The following AGBL1 variants were observed in gnomAD, a reference collection of about 807,000 sequenced individuals.
AGBL1 encodes AGBL carboxypeptidase 1.
In AGBL1, 130 loss-of-function variants were observed where a neutral mutation model predicts 118.9. The observed-to-expected ratio is 1.09, with a 90% confidence interval of 0.95 to 1.26. The LOEUF (loss-of-function observed/expected upper bound fraction) is 1.26, where lower values mean the gene tolerates loss of function less well. Among genes scored for constraint, AGBL1 ranks in the 50% most tolerant of loss-of-function variants. AGBL1 has a pLI of 0.00. For synonymous variants in AGBL1, 555 were observed against 478.9 expected, an observed-to-expected ratio of 1.16 and a Z score of -2.08; for missense variants, 1,584 against 1,298.1, an observed-to-expected ratio of 1.22 and a Z score of -3.38.
intron 17 of AGBL1, among the ~76,000 whole-genome samples, chr15:86,387,156 A>C (rs543616904): frequency 1.0e-3 from 155 of 152,316 alleles, no homozygotes; most frequent in African/African-American, 3.6e-3. Flanking sequence ...TCTATGTAAC[A>C]GGCGAAAGGG....
chr15:86,349,856 A>G (rs1007803754), intron 17 of AGBL1, among the ~76,000 whole-genome samples: 3 of 152,238 alleles, frequency 2.0e-5, no homozygotes, highest in Non-Finnish European at 4.4e-5. Context: ...GAAGCGTTCA[A>G]TTTATATATC....
chr15:86,548,944 T>C (rs1412992103), intron 20 of AGBL1, among the ~76,000 whole-genome samples: 1 of 151,888 alleles, frequency 6.6e-6, no homozygotes, highest in African/African-American at 2.4e-5. Flanking sequence ...AGCAGGCACT[T>C]CACATGGTGA....
chr15:86,554,933 T>C (rs1204194673), intron 21 of AGBL1, among the ~76,000 whole-genome samples: 1 of 152,186 alleles, frequency 6.6e-6, no homozygotes. Context: ...TGTGTAGATA[T>C]TGTTGGTACA....
intron 24 of AGBL1, among the ~76,000 whole-genome samples, chr15:86,990,374 G>A (rs551512182): frequency 4.5e-4 from 68 of 152,194 alleles, no homozygotes; most frequent in African/African-American, 1.4e-3. Context: ...AATTAGCCAC[G>A]CGTGTGGCAG....
At chr15:86,332,754 A>T (rs1461382074) in intron 17 of AGBL1, among the ~76,000 whole-genome samples, 3 of 152,096 alleles carry the variant, frequency 2.0e-5, no homozygotes, top group Non-Finnish European at 4.4e-5. Context: ...AATATACATT[A>T]TTCTCATCTG....
intron 17 of AGBL1, among the ~76,000 whole-genome samples, chr15:86,321,572 C>T (rs1216789717): frequency 1.3e-5 from 2 of 150,828 alleles, no homozygotes; most frequent in Non-Finnish European, 3.0e-5. Flanking sequence ...GGTTCGAGAC[C>T]AGGCTGACCG....
chr15:86,304,271 C>T (rs980369808), intron 17 of AGBL1, among the ~76,000 whole-genome samples: 2 of 152,140 alleles, frequency 1.3e-5, no homozygotes, highest in African/African-American at 4.8e-5. Flanking sequence ...ACACAGCAAC[C>T]TAACCACCTC....
At chr15:86,561,470 G>A (rs1486469506) in intron 21 of AGBL1, among the ~76,000 whole-genome samples, 2 of 152,194 alleles carry the variant, frequency 1.3e-5, no homozygotes, top group Non-Finnish European at 2.9e-5. Context: ...TTGTAGATGA[G>A]TGGTGTTATT....
Position 86,119,244 on chromosome 15 carries a change from G to C in AGBL1, c.52-22760G>C, listed in dbSNP as rs529517755. 7.2e-5 allele frequency among the ~76,000 whole-genome samples: 11 copies of C among 152,194 alleles called. No homozygotes were observed. The South Asian group carries it at 2.1e-3, about 29-fold the overall frequency. ...GAGAATTTATCACAGAGATGCAAAG[G>C]TTTCTCATCAGACACTAAAGTGAGT... is the stretch of plus-strand genomic sequence containing the variant. On this transcript the variant is annotated intron_variant, in intron 1 of 22. Coordinates refer to ENST00000614907, the MANE Select transcript of AGBL1 (RefSeq NM_001386094.1).
intron 20 of AGBL1, among the ~76,000 whole-genome samples, chr15:86,546,407 G>A (rs1425331299): frequency 1.3e-5 from 2 of 152,078 alleles, no homozygotes; most frequent in African/African-American, 4.8e-5. Context: ...AGAGACAGAA[G>A]ACCTCATCTT....
At chr15:86,510,953 T>A (rs1298186606) in intron 18 of AGBL1, among the ~76,000 whole-genome samples, 1 of 152,062 alleles carries the variant, frequency 6.6e-6, no homozygotes, top group East Asian at 1.9e-4. Context: ...GAGAGAGACA[T>A]AATATCAGCT....
chr15:86,721,690 CAATTAGGA>C (rs1461912009), intron 22 of AGBL1, among the ~76,000 whole-genome samples: 1 of 152,136 alleles, frequency 6.6e-6, no homozygotes, highest in Non-Finnish European at 1.5e-5. Flanking sequence ...AAAAGATATT[CAATTAGGA>C]AAAGAGGAAG....
chr15:86,420,183 A>G (rs1219000532), intron 18 of AGBL1, among the ~76,000 whole-genome samples: 3 of 152,166 alleles, frequency 2.0e-5, no homozygotes, highest in Non-Finnish European at 2.9e-5. Flanking sequence ...GACATCTCCT[A>G]GCAGGGGTCG....
intron 23 of AGBL1, among the ~76,000 whole-genome samples, chr15:86,987,211 C>T (rs2081294020): frequency 6.6e-6 from 1 of 152,172 alleles, no homozygotes; most frequent in South Asian, 2.1e-4. Flanking sequence ...TGTATAGGTG[C>T]AGGTCACAGG....
intron 21 of AGBL1, among the ~76,000 whole-genome samples, chr15:86,673,832 C>T (rs1249450944): frequency 6.6e-6 from 1 of 151,888 alleles, no homozygotes. Flanking sequence ...GAAATATTTC[C>T]CCTACTTTTC....
At chr15:86,800,421 A>C (rs2078633822) in intron 22 of AGBL1, among the ~76,000 whole-genome samples, 1 of 152,134 alleles carries the variant, frequency 6.6e-6, no homozygotes, top group Non-Finnish European at 1.5e-5. Context: ...ACAAGTGAGA[A>C]AAAAGGCCCA....
At chr15:86,664,494 T>C (rs2085606306) in intron 21 of AGBL1, among the ~76,000 whole-genome samples, 1 of 152,230 alleles carries the variant, frequency 6.6e-6, no homozygotes, top group Non-Finnish European at 1.5e-5. Flanking sequence ...AAAGTCACTG[T>C]CTTTCAACTC....
chr15:86,117,609 T>C (rs1897843559), intron 1 of AGBL1, among the ~76,000 whole-genome samples: 1 of 152,190 alleles, frequency 6.6e-6, no homozygotes. Context: ...TATCAAGCAA[T>C]GTATAATGTG....
Position 86,266,787 on chromosome 15 carries a change from G to A in AGBL1, c.1752-203G>A, listed in dbSNP as rs548806319. On this transcript the variant is annotated intron_variant, in intron 12 of 22. Coordinates refer to ENST00000614907, the MANE Select transcript of AGBL1 (RefSeq NM_001386094.1). Reference sequence around the variant, plus strand: ...TATGGTGGCGGGTGCCTGTAGTCCCGCTACTCGGGAGGCTGAGGCAGGAGA... The same window carrying A: ...TATGGTGGCGGGTGCCTGTAGTCCCACTACTCGGGAGGCTGAGGCAGGAGA... Among the ~76,000 whole-genome samples, 35 of 152,154 alleles carry A rather than the reference G, an allele frequency of 2.3e-4. 1 individual carries two copies. The East Asian group carries it at 6.6e-3, about 29-fold the overall frequency.
Sources: gnomAD v4.1 joint callset for allele counts (sites outside exome capture counted in the v4.1 genomes callset) on GRCh38, gnomAD v4.1.1 for gene constraint, MANE v1.5 for transcripts, NCBI Gene and HGNC (gene_info 2026-07-23, HGNC 2026-07-21) for gene names.